Variants in TMEM26 observed in about 807,000 individuals in gnomAD.
TMEM26 encodes the protein transmembrane protein 26.
TMEM26 carries 38 observed loss-of-function variants against 28.8 expected under a neutral mutation model. The ratio of observed to expected loss-of-function variants is 1.32; its 90% CI spans 1.02 to 1.73. TMEM26 has a LOEUF of 1.73. Ranked by LOEUF, TMEM26 falls within the 40% of genes most tolerant of loss-of-function variation. The pLI, the probability that TMEM26 is intolerant of heterozygous loss-of-function variation, is 0.00. For synonymous variants in TMEM26, 227 were observed against 182.9 expected (o/e 1.24, Z -1.95); for missense variants, 518 against 447.1 (o/e 1.16, Z -1.43).
At chr10:61,426,695 T>C (rs1303200556) in intron 4 of TMEM26, among the ~76,000 whole-genome samples, 1 of 152,110 alleles carries the variant, frequency 6.6e-6, no homozygotes, top group African/African-American at 2.4e-5. Flanking sequence ...TAGGCAATGC[T>C]GAGTAGACTA....
In TMEM26 at chr10:61,417,203, T is replaced by C. The variant is rs1191446102; in HGVS notation, c.606-3668A>G. 2.0e-5 allele frequency among the ~76,000 whole-genome samples: 3 copies of C among 151,954 alleles called. No individual in the cohort carries two copies. In the East Asian group the frequency reaches 5.8e-4, roughly 29 times the overall value. On this transcript the variant is annotated intron_variant, in intron 4 of 5. Coordinates refer to ENST00000399298, the MANE Select transcript of TMEM26 (RefSeq NM_178505.8). ...GTAATCTGCCTTCACAAATGTCAAC[T>C]GAGAAGCATGTAAGCAGACAATGAC...
chr10:61,427,452 T>C (rs1472738952), intron 4 of TMEM26, among the ~76,000 whole-genome samples: 1 of 152,136 alleles, frequency 6.6e-6, no homozygotes, highest in Non-Finnish European at 1.5e-5. Flanking sequence ...AAATGCCTTA[T>C]GGTTTTCAAG....
chr10:61,432,649 AT>A (rs67443039), intron 2 of TMEM26, among the ~76,000 whole-genome samples: 36,606 of 151,720 alleles, frequency 0.24, 5,101 homozygotes, highest in African/African-American at 0.38. Flanking sequence ...GAGAGGACTT[AT>A]TTTTTTAAAA....
chr10:61,431,905 C>T (rs1257639345), intron 2 of TMEM26, among the ~76,000 whole-genome samples: 1 of 151,990 alleles, frequency 6.6e-6, no homozygotes, highest in African/African-American at 2.4e-5. Context: ...CAAGTAGTCT[C>T]TGGTGTCTGT....
chr10:61,431,763 G>A (rs1295338105), intron 2 of TMEM26, among the ~76,000 whole-genome samples: 2 of 151,256 alleles, frequency 1.3e-5, no homozygotes, highest in African/African-American at 4.9e-5. Flanking sequence ...GGGGGTTCAC[G>A]TGCAGGTTTG....
intron 4 of TMEM26, among the ~76,000 whole-genome samples, chr10:61,419,169 G>T (rs1589028160): frequency 6.6e-6 from 1 of 152,112 alleles, no homozygotes; most frequent in African/African-American, 2.4e-5. Context: ...GAAGCCTCAG[G>T]TGGTGGCAGT....
At chr10:61,425,769 C>A (rs886854089) in intron 4 of TMEM26, among the ~76,000 whole-genome samples, 2 of 151,882 alleles carry the variant, frequency 1.3e-5, no homozygotes, top group Admixed American at 6.6e-5. Context: ...AAGGGTATAA[C>A]AAAAAAGACT....
intron 4 of TMEM26, among the ~76,000 whole-genome samples, chr10:61,428,176 A>G (rs996834953): frequency 3.9e-5 from 6 of 152,082 alleles, no homozygotes; most frequent in Non-Finnish European, 4.4e-5. Flanking sequence ...ACTCATTCCA[A>G]TTTATTTTTA....
At chr10:61,413,696 A>G in intron 4 of TMEM26, 161 bp from the exon 5 acceptor site, 1 of 1,317,612 alleles carries the variant, frequency 7.6e-7, no homozygotes, top group Non-Finnish European at 9.7e-7. Flanking sequence ...CATGATAATA[A>G]TGGAATAATG....
Position 61,449,262 on chromosome 10 carries a change from A to G in TMEM26, c.191+3629T>C, listed in dbSNP as rs1056444454. On this transcript the variant is annotated intron_variant, in intron 1 of 5. Coordinates refer to ENST00000399298, the MANE Select transcript of TMEM26 (RefSeq NM_178505.8). Reference sequence around the variant, plus strand: ...ATTCCAACAAATTAAATATTAGGTGAAAAAAAAGCAAACTCCAGGAGTGCA... The same window carrying G: ...ATTCCAACAAATTAAATATTAGGTGGAAAAAAAGCAAACTCCAGGAGTGCA... Among the ~76,000 whole-genome samples the G allele has an allele frequency of 2.8e-5, 4 of 144,054 alleles. No individual in the cohort carries two copies. The South Asian group carries it at 9.0e-4, about 32-fold the overall frequency. The allele number at this position is 144,054 out of a possible 152,430, so 94.5% of individuals were successfully genotyped here.
Position 61,431,307 on chromosome 10 carries a change from G to T in TMEM26, c.296C>A (p.Thr99Lys). 1 of 1,613,066 alleles carries T rather than the reference G, an allele frequency of 6.2e-7. No individual in the cohort carries two copies. The highest frequency in any genetic ancestry group is 8.5e-7 in the Non-Finnish European group (1 of 1,179,264). Residue 99 changes from threonine (T) to lysine (K), a missense_variant, in exon 3 of 6, where the codon ACA becomes AAA. By Grantham distance (78) the Thr-to-Lys change is moderately conservative. Coordinates refer to ENST00000399298, the MANE Select transcript of TMEM26 (RefSeq NM_178505.8). ...TQYCSIQAEG[T>K]SQNTSRKEDF... Reference sequence around the variant, plus strand: ...TTCTTTTCTGCTGGTATTCTGTGATGTTCCTTCAGCCTGGATACTGCAATA... The same window carrying T: ...TTCTTTTCTGCTGGTATTCTGTGATTTTCCTTCAGCCTGGATACTGCAATA...
intron 1 of TMEM26, among the ~76,000 whole-genome samples, chr10:61,441,748 C>T (rs1184458040): frequency 6.6e-6 from 1 of 152,150 alleles, no homozygotes; most frequent in South Asian, 2.1e-4. Context: ...TACCCTATTA[C>T]CAGTGAGCTA....
intron 4 of TMEM26, among the ~76,000 whole-genome samples, chr10:61,423,570 T>A (rs1345017747): frequency 6.6e-6 from 1 of 151,992 alleles, no homozygotes; most frequent in African/African-American, 2.4e-5. Flanking sequence ...GGAGATCCTA[T>A]CTCTACAAAA....
intron 4 of TMEM26, among the ~76,000 whole-genome samples, chr10:61,428,540 G>A (rs1454444821): frequency 6.6e-6 from 1 of 152,062 alleles, no homozygotes; most frequent in Non-Finnish European, 1.5e-5. Context: ...TGTTCTAGGA[G>A]AGGATTTTAT....
At position 61,431,263 on chromosome 10, in the gene TMEM26, T is replaced by C. The variant is rs775415595; in HGVS notation, c.340A>G (p.Thr114Ala). The change falls in exon 3 of 6, where the codon ACA becomes GCA. Residue 114 changes from threonine (T) to alanine (A), a missense_variant. By Grantham distance (58) the Thr-to-Ala change is moderately conservative (BLOSUM62 0). Coordinates refer to ENST00000399298, the MANE Select transcript of TMEM26 (RefSeq NM_178505.8). Reference sequence around the variant, plus strand: ...GCTCTACTGGTTTGTTCATTGGATGTCAATGTTTGATTGAAGTCTTCTTTT... The same window carrying C: ...GCTCTACTGGTTTGTTCATTGGATGCCAATGTTTGATTGAAGTCTTCTTTT... ...SRKEDFNQTL[T>A]SNEQTSRADD... 3.7e-6 allele frequency: 6 copies of C among 1,613,228 alleles called. No homozygotes were observed. The highest frequency in any genetic ancestry group is 3.4e-6 in the Non-Finnish European group (4 of 1,179,370).
At chr10:61,432,881 T>TTG (rs1267008507) in intron 2 of TMEM26, among the ~76,000 whole-genome samples, 2 of 151,996 alleles carry the variant, frequency 1.3e-5, no homozygotes, top group African/African-American at 4.8e-5. Context: ...TTTGCACACT[T>TTG]TGTGTGTGTG....
chr10:61,412,815 G>T, intron 5 of TMEM26: 1 of 387,602 alleles, frequency 2.6e-6, no homozygotes, highest in Non-Finnish European at 4.2e-6. Flanking sequence ...GTGGTTGGTG[G>T]GTCCCCTGTT....
chr10:61,435,772 A>G (rs1839995373), intron 2 of TMEM26, among the ~76,000 whole-genome samples: 1 of 152,180 alleles, frequency 6.6e-6, no homozygotes, highest in Non-Finnish European at 1.5e-5. Context: ...TAAAAGTGTC[A>G]CTTTACAGGA....
chr10:61,446,817 C>CAAAAAA lies in TMEM26; in HGVS notation c.191+6068_191+6073dup, dbSNP rs34030340. Among the ~76,000 whole-genome samples the CAAAAAA allele has an allele frequency of 2.1e-3, 71 of 33,974 alleles. 2 individuals are homozygous for CAAAAAA. Among genetic ancestry groups the CAAAAAA allele is most frequent in the Admixed American group, 3.6e-3 (6 of 1,684 alleles). 22.3% of individuals were successfully genotyped at this position (33,974 alleles called of 152,430 possible). ...CTGGCGACAGAGCGAGACTCCATCT[C>CAAAAAA]AAAAAAAAAAAAAAAAAAAAAAAAA... On this transcript the variant is annotated intron_variant, in intron 1 of 5. Coordinates refer to ENST00000399298, the MANE Select transcript of TMEM26 (RefSeq NM_178505.8).
Sources: allele counts gnomAD v4.1 joint callset (sites outside exome capture counted in the v4.1 genomes callset), GRCh38; gene constraint gnomAD v4.1.1; transcripts MANE v1.5; gene names NCBI Gene and HGNC (gene_info 2026-07-23, HGNC 2026-07-21).